Variants in XPNPEP3 observed in about 807,000 individuals in gnomAD.
XPNPEP3 encodes X-prolyl aminopeptidase 3.
Under a neutral mutation model 60.0 loss-of-function variants are expected in XPNPEP3, and 41 were observed. That is an observed-to-expected ratio of 0.68 (90% confidence interval 0.53 to 0.89). The LOEUF is 0.89. Among genes scored for constraint, XPNPEP3 ranks in the 40% least tolerant of loss-of-function variants. The pLI, the probability that XPNPEP3 is intolerant of heterozygous loss-of-function variation, is 0.00. For missense variants in XPNPEP3, 598 were observed against 638.9 expected (o/e 0.94, Z 0.69); for synonymous variants, 212 against 223.2 (o/e 0.95, Z 0.45).
chr22:40,857,311 C>T, intron 1 of XPNPEP3, 66 bp downstream of exon 1: 3 of 1,579,088 alleles, frequency 1.9e-6, no homozygotes, highest in East Asian at 2.3e-5. Flanking sequence ...TGGTCTCAGG[C>T]GATCCCTGGT....
chr22:40,884,334 CT>C lies in XPNPEP3; in HGVS notation c.590-1964del, dbSNP rs1216026499. 4.0e-3 allele frequency among the ~76,000 whole-genome samples: 550 copies of C among 138,218 alleles called. 1 individual carries two copies. Among genetic ancestry groups the C allele is most frequent in the Middle Eastern group, 7.4e-3 (2 of 272 alleles). 90.7% of individuals were successfully genotyped at this position (138,218 alleles called of 152,430 possible). ...CAAAAGTACTTCTCGGTCACCATTC[CT>C]TTTTTTTTTTTTTTGAAACAGAATT... On this transcript the variant is annotated intron_variant, in intron 3 of 9. Transcript: ENST00000357137.
At chr22:40,886,193 T>C (rs1015917722) in intron 3 of XPNPEP3, 120 bp from the exon 4 acceptor site, 2 of 985,186 alleles carry the variant, frequency 2.0e-6, no homozygotes, top group African/African-American at 3.2e-5. Flanking sequence ...GTCTCAACAC[T>C]TTAGAGTTCC....
intron 1 of XPNPEP3, among the ~76,000 whole-genome samples, chr22:40,868,116 T>C (rs1158514275): frequency 6.6e-6 from 1 of 152,106 alleles, no homozygotes; most frequent in Non-Finnish European, 1.5e-5. Flanking sequence ...GTTCCAATCA[T>C]GTGCAAAGAA....
intron 4 of XPNPEP3, among the ~76,000 whole-genome samples, chr22:40,892,432 G>A (rs761491433): frequency 2.0e-5 from 3 of 152,024 alleles, no homozygotes; most frequent in Non-Finnish European, 2.9e-5. Context: ...TGATCTGCCC[G>A]CCTCGGCCTC....
chr22:40,927,322 A>G lies in XPNPEP3; in HGVS notation c.*887A>G, dbSNP rs933505390. The G allele has an allele frequency of 6.6e-6, 1 of 152,108 alleles. No homozygotes were observed. Among genetic ancestry groups the G allele is most frequent in the African/African-American group, 2.4e-5 (1 of 41,400 alleles). The allele number at this position is 152,108 out of a possible 1,614,324, so 9.4% of individuals were successfully genotyped here. A position where few individuals can be genotyped will look rare whatever the true frequency, so the allele number is the denominator to read the frequency against. ...AACACTGTCTCTACTAAAAATACAA[A>G]AATGAGCTGGGTGTGATGATACATG... is the stretch of plus-strand genomic sequence containing the variant. On this transcript the variant is annotated 3_prime_UTR_variant, in exon 10 of 10. Coordinates refer to ENST00000357137, the MANE Select transcript of XPNPEP3 (RefSeq NM_022098.4).
chr22:40,886,228 C>A, intron 3 of XPNPEP3, 85 bp from the exon 4 acceptor site: 7 of 1,387,944 alleles, frequency 5.0e-6, no homozygotes, highest in Non-Finnish European at 7.1e-6. Context: ...ATAGTTTTGA[C>A]TCTTGTTCAA....
At chr22:40,883,480 C>G (rs1208347468) in intron 3 of XPNPEP3, among the ~76,000 whole-genome samples, 2 of 152,134 alleles carry the variant, frequency 1.3e-5, no homozygotes, top group Non-Finnish European at 2.9e-5. Flanking sequence ...CTGCCTCAGC[C>G]TCCAGAATAC....
intron 4 of XPNPEP3, among the ~76,000 whole-genome samples, chr22:40,902,893 A>T (rs2058140152): frequency 6.6e-6 from 1 of 152,158 alleles, no homozygotes; most frequent in Admixed American, 6.5e-5. Flanking sequence ...TCCCTACGTA[A>T]GGGCTTGGTG....
intron 6 of XPNPEP3, among the ~76,000 whole-genome samples, chr22:40,913,513 G>A (rs944625747): frequency 1.3e-5 from 2 of 151,254 alleles, no homozygotes; most frequent in South Asian, 2.1e-4. Flanking sequence ...AATAAGGCCC[G>A]GCATACCACT....
At chr22:40,902,968 A>G (rs2146266414) in intron 4 of XPNPEP3, among the ~76,000 whole-genome samples, 1 of 152,284 alleles carries the variant, frequency 6.6e-6, no homozygotes. Context: ...AGAGCCTAAA[A>G]TGGAATCTCA....
chr22:40,884,597 G>A (rs2058061319), intron 3 of XPNPEP3, among the ~76,000 whole-genome samples: 1 of 151,436 alleles, frequency 6.6e-6, no homozygotes, highest in Non-Finnish European at 1.5e-5. Flanking sequence ...GCCTCCCAGG[G>A]TGCTGGGATT....
At chr22:40,873,595 A>G (rs997895405) in intron 2 of XPNPEP3, among the ~76,000 whole-genome samples, 2 of 151,912 alleles carry the variant, frequency 1.3e-5, no homozygotes. Context: ...TGGGCAACGT[A>G]GTGAGACCTT....
intron 1 of XPNPEP3, among the ~76,000 whole-genome samples, chr22:40,865,988 TA>T (rs1189116805): frequency 2.6e-5 from 4 of 152,226 alleles, no homozygotes; most frequent in Non-Finnish European, 4.4e-5. Flanking sequence ...CTAATTTATA[TA>T]TCTAGCCTAG....
chr22:40,922,170 A>G lies in XPNPEP3; in HGVS notation c.1056-163A>G, dbSNP rs1050249099. On this transcript the variant is annotated intron_variant, in intron 7 of 9. Transcript: ENST00000357137. ...TTGCCCTTCCTACTGAGCACCTAGG[A>G]CATGATTGAGCTCCTGGCCATATTG... is the stretch of plus-strand genomic sequence containing the variant. Among the ~76,000 whole-genome samples, 2 of 152,092 alleles carry G rather than the reference A, an allele frequency of 1.3e-5. 1 individual carries two copies. Among genetic ancestry groups the G allele is most frequent in the Non-Finnish European group, 2.9e-5 (2 of 68,012 alleles).
rs183183498 is a variant in XPNPEP3, at chr22:40,892,375, C to T, written c.792+5860C>T. Among the ~76,000 whole-genome samples the T allele has an allele frequency of 3.0e-4, 46 of 152,082 alleles. No homozygotes were observed. In the East Asian group the frequency reaches 4.8e-3, roughly 16 times the overall value. ...AACGTTTTTGTATTTTTAGTAGAGA[C>T]GGGGTTTCACCATGTTGGCCAGGAT... On this transcript the variant is annotated intron_variant, in intron 4 of 9. Transcript: ENST00000357137.
intron 7 of XPNPEP3, among the ~76,000 whole-genome samples, chr22:40,915,050 CTTT>C (rs34697318): frequency 2.5e-5 from 3 of 117,882 alleles, no homozygotes; most frequent in African/African-American, 3.2e-5. Context: ...CAAGTCCATT[CTTT>C]TTTTTTTTTT....
intron 1 of XPNPEP3, 60 bp downstream of exon 1, chr22:40,857,305 C>G (rs562177135): frequency 6.3e-7 from 1 of 1,590,378 alleles, no homozygotes; most frequent in Non-Finnish European, 8.6e-7. Context: ...CCAAGTTGGT[C>G]TCAGGCGATC....
intron 6 of XPNPEP3, among the ~76,000 whole-genome samples, chr22:40,912,776 G>A (rs1334641269): frequency 7.9e-5 from 12 of 151,966 alleles, no homozygotes; most frequent in Admixed American, 3.3e-4. Flanking sequence ...AGGCTGAGGC[G>A]GGAGAATCGC....
At chr22:40,915,571 A>C (rs894337737) in intron 7 of XPNPEP3, among the ~76,000 whole-genome samples, 19 of 151,902 alleles carry the variant, frequency 1.3e-4, no homozygotes, top group South Asian at 4.2e-4. Flanking sequence ...AAAAAGAAAA[A>C]CTATAATGGA....
Sources: allele counts gnomAD v4.1 joint callset (sites outside exome capture counted in the v4.1 genomes callset), GRCh38; gene constraint gnomAD v4.1.1; transcripts MANE v1.5; gene names NCBI Gene and HGNC (gene_info 2026-07-23, HGNC 2026-07-21).